EIPR1: variants seen among roughly 807,000 people sequenced by gnomAD.
EIPR1 encodes the protein EARP complex and GARP complex interacting protein 1.
In EIPR1, 25 loss-of-function variants were observed where a neutral mutation model predicts 48.1. That is an observed-to-expected ratio of 0.52 (90% CI 0.38 to 0.73). EIPR1 has a LOEUF of 0.73. EIPR1 is among the 30% of genes least tolerant of loss of function. EIPR1 has a pLI of 0.00. For missense variants in EIPR1, 415 were observed against 506.2 expected, an observed-to-expected ratio of 0.82 and a Z score of 1.73; for synonymous variants, 204 against 201.9, an observed-to-expected ratio of 1.01 and a Z score of -0.09.
chr2:3,223,369 C>T (rs1039498366), intron 4 of EIPR1, among the ~76,000 whole-genome samples: 1 of 152,148 alleles, frequency 6.6e-6, no homozygotes, highest in Non-Finnish European at 1.5e-5. Context: ...GTATGAGCAA[C>T]GAGCTCACAC....
At chr2:3,347,522 C>G (rs1245388722) in intron 2 of EIPR1, among the ~76,000 whole-genome samples, 2 of 152,200 alleles carry the variant, frequency 1.3e-5, no homozygotes, top group Non-Finnish European at 2.9e-5. Flanking sequence ...GATTGTGAGG[C>G]CTCCCCAGCC....
intron 2 of EIPR1, among the ~76,000 whole-genome samples, chr2:3,346,144 C>A (rs1050984286): frequency 6.6e-6 from 1 of 152,268 alleles, no homozygotes; most frequent in South Asian, 2.1e-4. Flanking sequence ...GGAGGGCCAC[C>A]ACTCGGGAGC....
intron 2 of EIPR1, among the ~76,000 whole-genome samples, chr2:3,341,699 T>C (rs1266449116): frequency 6.6e-6 from 1 of 151,364 alleles, no homozygotes; most frequent in African/African-American, 2.4e-5. Context: ...GGGAGGTGTG[T>C]GGGAGGGTGT....
rs56963007 is a variant in EIPR1, at chr2:3,210,627, C to CTTTTTTTTTTTTTTTTTTTTTTTTT, written c.516+3521_516+3522insAAAAAAAAAAAAAAAAAAAAAAAAA. Among the ~76,000 whole-genome samples the CTTTTTTTTTTTTTTTTTTTTTTTTT allele has an allele frequency of 1.7e-5, 2 of 118,418 alleles. 1 individual carries two copies. 77.7% of individuals were successfully genotyped at this position (118,418 alleles called of 152,430 possible). On this transcript the variant is annotated intron_variant, in intron 5 of 8. Coordinates refer to ENST00000382125, the MANE Select transcript of EIPR1 (RefSeq NM_003310.5). ...TCTTCTCACTGTTTACCTCCCAATT[C>CTTTTTTTTTTTTTTTTTTTTTTTTT]TTTTTTTTTTTTTTTTTTTTTGAGA...
chr2:3,281,323 G>A (rs549251041), intron 3 of EIPR1, among the ~76,000 whole-genome samples: 3 of 152,200 alleles, frequency 2.0e-5, no homozygotes, highest in African/African-American at 7.2e-5. Flanking sequence ...GAAATCCAGT[G>A]AGCGTGCACA....
intron 4 of EIPR1, among the ~76,000 whole-genome samples, chr2:3,218,098 G>A (rs1243032388): frequency 2.6e-5 from 4 of 151,946 alleles, no homozygotes; most frequent in African/African-American, 9.7e-5. Flanking sequence ...ACACTCTAGA[G>A]CATTCACAGT....
chr2:3,376,551 C>G (rs551955153), intron 1 of EIPR1, among the ~76,000 whole-genome samples: 1 of 152,050 alleles, frequency 6.6e-6, no homozygotes, highest in South Asian at 2.1e-4. Context: ...ATTAGTCGGG[C>G]GTGGTGGCGG....
chr2:3,203,539 T>C (rs1665121213), intron 5 of EIPR1, among the ~76,000 whole-genome samples: 2 of 152,138 alleles, frequency 1.3e-5, no homozygotes, highest in Admixed American at 1.3e-4. Context: ...TCGGGGCGCC[T>C]CCTCCAGCTG....
intron 3 of EIPR1, among the ~76,000 whole-genome samples, chr2:3,301,978 A>G (rs932824814): frequency 6.6e-6 from 1 of 152,220 alleles, no homozygotes; most frequent in Admixed American, 6.5e-5. Flanking sequence ...GACCACCATG[A>G]GGGCTCTGAA....
At chr2:3,280,381 G>A (rs1188495711) in intron 3 of EIPR1, among the ~76,000 whole-genome samples, 2 of 152,198 alleles carry the variant, frequency 1.3e-5, no homozygotes, top group African/African-American at 4.8e-5. Flanking sequence ...TCCTCCAGGT[G>A]CCTCGAGGCG....
chr2:3,198,634 T>A (rs1462231838), intron 5 of EIPR1, among the ~76,000 whole-genome samples: 2 of 151,996 alleles, frequency 1.3e-5, no homozygotes, highest in African/African-American at 2.4e-5. Flanking sequence ...AGAGAGAAAT[T>A]TTAAAGCTGG....
chr2:3,360,897 G>T (rs1421326877), intron 1 of EIPR1, among the ~76,000 whole-genome samples: 1 of 151,364 alleles, frequency 6.6e-6, no homozygotes, highest in Non-Finnish European at 1.5e-5. Flanking sequence ...TGACCCTCAG[G>T]AAGAGGAAAG....
At chr2:3,319,581 G>A (rs993218083) in intron 3 of EIPR1, 2 of 161,976 alleles carry the variant, frequency 1.2e-5, no homozygotes, top group African/African-American at 2.4e-5. Context: ...GTCTTCTGAG[G>A]TTTCCTTATC....
At chr2:3,274,203 G>A (rs1166227581) in intron 3 of EIPR1, 2 of 1,393,058 alleles carry the variant, frequency 1.4e-6, no homozygotes, top group East Asian at 2.5e-5. Flanking sequence ...ACAGAAAACA[G>A]CAGGCACAAT....
At chr2:3,360,703 C>T (rs1310837271) in intron 1 of EIPR1, among the ~76,000 whole-genome samples, 1 of 152,206 alleles carries the variant, frequency 6.6e-6, no homozygotes, top group Non-Finnish European at 1.5e-5. Flanking sequence ...AGGTAGCAAA[C>T]CGTGTCCATT....
intron 3 of EIPR1, among the ~76,000 whole-genome samples, chr2:3,300,016 C>T (rs1668720783): frequency 6.6e-6 from 1 of 152,142 alleles, no homozygotes; most frequent in African/African-American, 2.4e-5. Flanking sequence ...TGCAGCCTGG[C>T]CTGGCAAAGC....
intron 1 of EIPR1, among the ~76,000 whole-genome samples, chr2:3,369,254 G>A (rs959736405): frequency 3.3e-5 from 5 of 152,206 alleles, no homozygotes; most frequent in Non-Finnish European, 7.3e-5. Context: ...TCAGGGAGGA[G>A]CCAAGATGGC....
At position 3,193,985 on chromosome 2, in the gene EIPR1, A is replaced by T. The variant is rs1173812069; in HGVS notation, c.821+14T>A. The T allele has an allele frequency of 3.1e-6, 5 of 1,613,028 alleles. No individual in the cohort carries two copies. The highest frequency in any genetic ancestry group is 4.2e-6 in the Non-Finnish European group (5 of 1,179,698). On this transcript the variant is annotated intron_variant, in intron 7 of 8. Transcript: ENST00000382125. ...TAATCCCCTCCTCCCTGAAGCAGCC[A>T]GGAGCGGCCCTACCAGTGGGAGTGC...
chr2:3,327,891 ACT>A (rs1384154310), intron 3 of EIPR1, among the ~76,000 whole-genome samples: 1 of 151,804 alleles, frequency 6.6e-6, no homozygotes, highest in African/African-American at 2.4e-5. Flanking sequence ...ATAGGGTCTA[ACT>A]CTGTCACCCA....
Sources: allele counts gnomAD v4.1 joint callset (sites outside exome capture counted in the v4.1 genomes callset), GRCh38; gene constraint gnomAD v4.1.1; transcripts MANE v1.5; gene names NCBI Gene and HGNC (gene_info 2026-07-23, HGNC 2026-07-21).